Variants in RBM27 observed in about 807,000 individuals in gnomAD.
The protein encoded by RBM27 is RNA-binding protein 27.
A neutral mutation model predicts 135.3 loss-of-function variants in RBM27; 22 were observed. That is an observed-to-expected ratio of 0.16 (90% CI 0.12 to 0.23). RBM27 has a LOEUF of 0.23. RBM27 is among the 10% of genes least tolerant of loss of function. The pLI, the probability that RBM27 is intolerant of heterozygous loss-of-function variation, is 1.00. For missense variants in RBM27, 1,009 were observed against 1,281.0 expected (o/e 0.79, Z 3.24); for synonymous variants, 481 against 442.4 (o/e 1.09, Z -1.10).
chr5:146,220,590 A>G (rs1313821609), intron 2 of RBM27, among the ~76,000 whole-genome samples: 1 of 151,868 alleles, frequency 6.6e-6, no homozygotes, highest in Non-Finnish European at 1.5e-5. Flanking sequence ...ATGAGAAGAT[A>G]TCATTTAAAA....
chr5:146,232,985 T>C (rs1034946124), intron 6 of RBM27, among the ~76,000 whole-genome samples: 4 of 152,222 alleles, frequency 2.6e-5, no homozygotes, highest in Admixed American at 2.0e-4. Context: ...ACCTGGTACA[T>C]AATGTTCACG....
intron 1 of RBM27, among the ~76,000 whole-genome samples, chr5:146,214,792 G>A (rs73319927): frequency 0.029 from 4,351 of 152,160 alleles, 209 homozygotes; most frequent in African/African-American, 0.099. Flanking sequence ...TATTCCTTTG[G>A]CTGTAAACAT....
intron 1 of RBM27, among the ~76,000 whole-genome samples, chr5:146,204,966 C>G (rs1222551838): frequency 1.3e-5 from 2 of 151,912 alleles, no homozygotes; most frequent in Non-Finnish European, 2.9e-5. Context: ...GGCTGGATTT[C>G]GGCTCACTGC....
In RBM27 at chr5:146,243,121, C is replaced by T. The variant is rs1321585468; in HGVS notation, c.1279+5689C>T. On this transcript the variant is annotated intron_variant, in intron 8 of 20. Coordinates refer to ENST00000265271, the MANE Select transcript of RBM27 (RefSeq NM_018989.2). ...TCTCTACTAAAAATACAAAAATTAG[C>T]TGGGTGTGGTGGTGGGCGCCTGTAA... Among the ~76,000 whole-genome samples, 4 of 151,672 alleles carry T rather than the reference C, an allele frequency of 2.6e-5. No individual in the cohort carries two copies. In the East Asian group the frequency reaches 7.9e-4, roughly 30 times the overall value.
intron 9 of RBM27, among the ~76,000 whole-genome samples, 157 bp from the exon 10 acceptor site, chr5:146,254,786 T>C (rs1381828822): frequency 2.6e-5 from 4 of 152,196 alleles, no homozygotes; most frequent in African/African-American, 9.6e-5. Context: ...GGGAGGGTCC[T>C]GGAACCAGTC....
chr5:146,260,070 C>T (rs1267396832), intron 11 of RBM27, among the ~76,000 whole-genome samples: 1 of 148,936 alleles, frequency 6.7e-6, no homozygotes, highest in African/African-American at 2.5e-5. Flanking sequence ...GAGGCCGAGA[C>T]GGGTAGATCA....
chr5:146,281,998 ATC>A (rs1342215472), intron 19 of RBM27, among the ~76,000 whole-genome samples: 1 of 115,878 alleles, frequency 8.6e-6, no homozygotes, highest in Non-Finnish European at 1.8e-5. Flanking sequence ...TTTATTTTTC[ATC>A]TTTTTTTTTT....
Position 146,261,952 on chromosome 5 carries a change from T to C in RBM27, c.2190+146T>C, listed in dbSNP as rs577259484. The C allele has an allele frequency of 3.0e-5, 25 of 838,648 alleles. No individual in the cohort carries two copies. In the South Asian group the frequency reaches 3.5e-4, roughly 12 times the overall value. The allele number at this position is 838,648 out of a possible 1,614,324, so 52.0% of individuals were successfully genotyped here. A position where few individuals can be genotyped will look rare whatever the true frequency, so the allele number is the denominator to read the frequency against. ...TAGCATCTGATCTCCTGGGATCTTA[T>C]AGAAATGCAGATTCTTGGGGGAAAA... On this transcript the variant is annotated intron_variant, in intron 13 of 20. Coordinates refer to ENST00000265271, the MANE Select transcript of RBM27 (RefSeq NM_018989.2).
intron 19 of RBM27, among the ~76,000 whole-genome samples, chr5:146,275,161 A>G (rs1214305050): frequency 6.6e-6 from 1 of 151,468 alleles, no homozygotes; most frequent in Non-Finnish European, 1.5e-5. Context: ...GTTACTTTAT[A>G]TATCAAATAT....
chr5:146,285,349 A>G (rs1759538286), intron 20 of RBM27, among the ~76,000 whole-genome samples: 2 of 152,152 alleles, frequency 1.3e-5, no homozygotes. Flanking sequence ...CCTAGCTAGC[A>G]TTTATAGTTT....
Position 146,276,836 on chromosome 5 carries a change from C to T in RBM27, c.2988+5162C>T, listed in dbSNP as rs547799022. ...TTGGGAGGCTGAGGTGGGAGGATTG[C>T]TTGAGCCCAGAAGTTCAAGACCAAC... On this transcript the variant is annotated intron_variant, in intron 19 of 20. Coordinates refer to ENST00000265271, the MANE Select transcript of RBM27 (RefSeq NM_018989.2). Among the ~76,000 whole-genome samples, 4 of 152,232 alleles carry T rather than the reference C, an allele frequency of 2.6e-5. No individual in the cohort carries two copies. In the South Asian group the frequency reaches 8.3e-4, roughly 32 times the overall value.
chr5:146,278,726 A>ATTT (rs576045126), intron 19 of RBM27, among the ~76,000 whole-genome samples: 2 of 142,554 alleles, frequency 1.4e-5, no homozygotes, highest in Non-Finnish European at 1.5e-5. Flanking sequence ...TTTTTTCCCA[A>ATTT]TTTTTTTTTT....
At chr5:146,207,634 A>T (rs1396734933) in intron 1 of RBM27, among the ~76,000 whole-genome samples, 1 of 151,330 alleles carries the variant, frequency 6.6e-6, no homozygotes, top group Non-Finnish European at 1.5e-5. Flanking sequence ...CTAGTGAAAC[A>T]TATGCATGTA....
chr5:146,223,673 T>A, intron 3 of RBM27, 146 bp downstream of exon 3: 1 of 912,500 alleles, frequency 1.1e-6, no homozygotes, highest in South Asian at 2.4e-5. Context: ...TCATCAGGAT[T>A]TCATAGTTGC....
chr5:146,220,693 G>A (rs1284402599), intron 2 of RBM27, among the ~76,000 whole-genome samples: 1 of 151,818 alleles, frequency 6.6e-6, no homozygotes, highest in African/African-American at 2.4e-5. Context: ...AGCTCTTTTT[G>A]TAGAAACAAA....
At chr5:146,210,724 G>A (rs541779919) in intron 1 of RBM27, among the ~76,000 whole-genome samples, 4 of 152,248 alleles carry the variant, frequency 2.6e-5, no homozygotes, top group South Asian at 4.1e-4. Context: ...GAGGCGGGCA[G>A]ATCACGAGGT....
chr5:146,220,474 CAAAA>C lies in RBM27; in HGVS notation c.178+1384_178+1387del, dbSNP rs55722840. Among the ~76,000 whole-genome samples the C allele has an allele frequency of 7.0e-3, 811 of 115,368 alleles. 11 individuals carry two copies. Among genetic ancestry groups the C allele is most frequent in the African/African-American group, 0.026 (770 of 29,610 alleles). 75.7% of individuals were successfully genotyped at this position (115,368 alleles called of 152,430 possible). Reference sequence around the variant, plus strand: ...TGGGCGACTGAGCGAGAGTCCATCTCAAAAAAAAAAAAAAAATATATATATATAT... The same window carrying C: ...TGGGCGACTGAGCGAGAGTCCATCTCAAAAAAAAAAAATATATATATATAT... On this transcript the variant is annotated intron_variant, in intron 2 of 20. Coordinates refer to ENST00000265271, the MANE Select transcript of RBM27 (RefSeq NM_018989.2).
intron 1 of RBM27, among the ~76,000 whole-genome samples, chr5:146,215,777 GTC>G (rs1224082834): frequency 4.6e-5 from 7 of 150,546 alleles, no homozygotes; most frequent in Admixed American, 4.6e-4. Context: ...TTTTGAGACT[GTC>G]TCTCTCTGTC....
intron 19 of RBM27, among the ~76,000 whole-genome samples, chr5:146,284,071 T>G (rs964863142): frequency 6.6e-6 from 1 of 152,170 alleles, no homozygotes; most frequent in Non-Finnish European, 1.5e-5. Flanking sequence ...ATGGAGCAGT[T>G]TTATGAGTTA....
Sources: gnomAD v4.1 joint callset for allele counts (sites outside exome capture counted in the v4.1 genomes callset) on GRCh38, gnomAD v4.1.1 for gene constraint, MANE v1.5 for transcripts, NCBI Gene and HGNC (gene_info 2026-07-23, HGNC 2026-07-21) for gene names.